Variants in PCDH9 observed in about 807,000 individuals in gnomAD.
PCDH9 encodes the protein protocadherin 9.
Under a neutral mutation model 70.6 loss-of-function variants are expected in PCDH9, and 24 were observed. The observed-to-expected ratio is 0.34, with a 90% confidence interval of 0.25 to 0.48. The LOEUF is 0.48. Among genes scored for constraint, PCDH9 ranks in the 20% least tolerant of loss-of-function variants. PCDH9 has a pLI of 0.99. For synonymous variants in PCDH9, 562 were observed against 558.5 expected (o/e 1.01, Z -0.09); for missense variants, 1,281 against 1,503.6 (o/e 0.85, Z 2.45).
chr13:66,396,317 T>C (rs1167793405), intron 4 of PCDH9, among the ~76,000 whole-genome samples: 1 of 152,274 alleles, frequency 6.6e-6, no homozygotes, highest in Admixed American at 6.5e-5. Context: ...TGCTAAAACG[T>C]AAATTGCTCA....
chr13:66,467,920 T>C (rs142460126), intron 4 of PCDH9, among the ~76,000 whole-genome samples: 45 of 152,112 alleles, frequency 3.0e-4, no homozygotes, highest in Non-Finnish European at 4.7e-4. Context: ...CTTGTCTATG[T>C]TAGTAATGAT....
intron 4 of PCDH9, among the ~76,000 whole-genome samples, chr13:66,585,953 T>C (rs1442966813): frequency 6.6e-6 from 1 of 152,210 alleles, no homozygotes; most frequent in Non-Finnish European, 1.5e-5. Context: ...GAGTGATTTA[T>C]CTTGGGTCAA....
chr13:66,328,814 C>T (rs1955891379), intron 4 of PCDH9, among the ~76,000 whole-genome samples: 1 of 152,000 alleles, frequency 6.6e-6, no homozygotes, highest in Non-Finnish European at 1.5e-5. Flanking sequence ...AATTGAGCTT[C>T]AAAGAAATAT....
At chr13:67,160,965 T>C (rs2087942309) in intron 2 of PCDH9, among the ~76,000 whole-genome samples, 1 of 152,216 alleles carries the variant, frequency 6.6e-6, no homozygotes, top group Non-Finnish European at 1.5e-5. Flanking sequence ...CATGGGGACA[T>C]TTATTTGAAA....
chr13:66,583,085 G>C (rs1283910647), intron 4 of PCDH9, among the ~76,000 whole-genome samples: 1 of 144,378 alleles, frequency 6.9e-6, no homozygotes, highest in African/African-American at 2.5e-5. Flanking sequence ...GAATGCTCTT[G>C]AAATTGTATG....
chr13:66,701,783 CAT>C (rs2078651195), intron 3 of PCDH9, among the ~76,000 whole-genome samples: 1 of 152,190 alleles, frequency 6.6e-6, no homozygotes, highest in African/African-American at 2.4e-5. Flanking sequence ...AGTGATTAAT[CAT>C]GTGGTTAAAA....
intron 2 of PCDH9, among the ~76,000 whole-genome samples, chr13:67,006,995 G>A (rs9571707): frequency 0.28 from 42,086 of 151,986 alleles, 6,313 homozygotes; most frequent in East Asian, 0.63. Flanking sequence ...AGCCTAATTT[G>A]TCCTCCAATG....
rs148424843 is a variant in PCDH9, at chr13:66,336,382, C to T, written c.3341-31354G>A. Among the ~76,000 whole-genome samples the T allele has an allele frequency of 2.4e-4, 36 of 151,862 alleles. No individual in the cohort carries two copies. The East Asian group carries it at 4.8e-3, about 20-fold the overall frequency. On this transcript the variant is annotated intron_variant, in intron 4 of 4. Transcript: ENST00000377865. Reference sequence around the variant, plus strand: ...AATCACAATAGAGACCTGATGTATCCTATGTTATATACTTCAGAGCTGTTC... The same window carrying T: ...AATCACAATAGAGACCTGATGTATCTTATGTTATATACTTCAGAGCTGTTC...
chr13:67,107,507 G>A lies in PCDH9; in HGVS notation c.3036+117898C>T, dbSNP rs564856556. On this transcript the variant is annotated intron_variant, in intron 2 of 4. Coordinates refer to ENST00000377865, the MANE Select transcript of PCDH9 (RefSeq NM_203487.3). Reference sequence around the variant, plus strand: ...CACTGAGGGCTATGGACGTCAGAACGATCTGCCTGCAGAAAGGCACTACCC... The same window carrying A: ...CACTGAGGGCTATGGACGTCAGAACAATCTGCCTGCAGAAAGGCACTACCC... Among the ~76,000 whole-genome samples the A allele has an allele frequency of 4.1e-4, 62 of 152,264 alleles. 1 individual carries two copies. The highest frequency in any genetic ancestry group is 1.3e-3 in the African/African-American group (53 of 41,564).
chr13:66,944,231 A>G (rs2083051724), intron 2 of PCDH9, among the ~76,000 whole-genome samples: 1 of 150,322 alleles, frequency 6.7e-6, no homozygotes, highest in African/African-American at 2.5e-5. Context: ...AATGTTCTAT[A>G]TTTTTCTAAT....
At chr13:66,557,348 A>G (rs2138695023) in intron 4 of PCDH9, among the ~76,000 whole-genome samples, 1 of 152,320 alleles carries the variant, frequency 6.6e-6, no homozygotes, top group South Asian at 2.1e-4. Context: ...ATATTTTTAA[A>G]TATACAAATT....
At chr13:66,959,750 CAAAAA>C (rs5804305) in intron 2 of PCDH9, among the ~76,000 whole-genome samples, 1 of 129,224 alleles carries the variant, frequency 7.7e-6, no homozygotes, top group African/African-American at 2.8e-5. Flanking sequence ...GACCCCGTCT[CAAAAA>C]AAAAAAAAAG....
At chr13:66,755,660 A>G (rs942325419) in intron 3 of PCDH9, among the ~76,000 whole-genome samples, 3 of 152,130 alleles carry the variant, frequency 2.0e-5, no homozygotes, top group African/African-American at 7.2e-5. Context: ...AAAAGTGCAC[A>G]ACTGACCATA....
At chr13:66,611,106 A>C (rs544021609) in intron 4 of PCDH9, among the ~76,000 whole-genome samples, 5 of 152,330 alleles carry the variant, frequency 3.3e-5, no homozygotes, top group African/African-American at 1.2e-4. Context: ...ATGTCAAAAC[A>C]CAAAAACATG....
At chr13:66,436,949 G>A (rs1280931983) in intron 4 of PCDH9, among the ~76,000 whole-genome samples, 1 of 151,802 alleles carries the variant, frequency 6.6e-6, no homozygotes, top group African/African-American at 2.4e-5. Flanking sequence ...ACATTTTTAT[G>A]TCAAGGTCAG....
At chr13:66,364,666 G>A (rs1306250374) in intron 4 of PCDH9, among the ~76,000 whole-genome samples, 1 of 152,168 alleles carries the variant, frequency 6.6e-6, no homozygotes, top group South Asian at 2.1e-4. Flanking sequence ...AAAATGGAAT[G>A]AAGTAGAGAA....
At chr13:66,604,057 A>G (rs1593763202) in intron 4 of PCDH9, among the ~76,000 whole-genome samples, 1 of 151,792 alleles carries the variant, frequency 6.6e-6, no homozygotes, top group Non-Finnish European at 1.5e-5. Context: ...TATATTTATA[A>G]TTTAGGTTGC....
intron 4 of PCDH9, among the ~76,000 whole-genome samples, chr13:66,433,029 C>A (rs948184389): frequency 6.6e-6 from 1 of 151,812 alleles, no homozygotes; most frequent in African/African-American, 2.4e-5. Context: ...ATATAAATGA[C>A]AGTCTTAGGG....
chr13:66,589,422 A>T (rs1254889232), intron 4 of PCDH9, among the ~76,000 whole-genome samples: 1 of 152,142 alleles, frequency 6.6e-6, no homozygotes, highest in African/African-American at 2.4e-5. Context: ...CGATCTGATC[A>T]TTCTATTTTA....
Sources: gnomAD v4.1 joint callset for allele counts (sites outside exome capture counted in the v4.1 genomes callset) on GRCh38, gnomAD v4.1.1 for gene constraint, MANE v1.5 for transcripts, NCBI Gene and HGNC (gene_info 2026-07-23, HGNC 2026-07-21) for gene names.